Variants in TMEM132C observed in about 807,000 individuals in gnomAD.
The protein encoded by TMEM132C is protein phosphatase 1, regulatory subunit 152.
Under a neutral mutation model 61.4 loss-of-function variants are expected in TMEM132C, and 29 were observed. The ratio of observed to expected loss-of-function variants is 0.47; its 90% confidence interval spans 0.35 to 0.64. The LOEUF (loss-of-function observed/expected upper bound fraction) is 0.64. Ranked by LOEUF, TMEM132C falls within the 30% of genes least tolerant of loss-of-function variation. The probability of loss-of-function intolerance (pLI) is 0.00; values close to 1 mark genes in which losing one functional copy is unlikely to be tolerated. For missense variants in TMEM132C, 1,408 were observed against 1,476.9 expected, an observed-to-expected ratio of 0.95 and a Z score of 0.76; for synonymous variants, 656 against 633.1, an observed-to-expected ratio of 1.04 and a Z score of -0.54.
rs1337117450 is a variant in TMEM132C at position 128,706,267 on chromosome 12, A to G, written c.3299A>G (p.Tyr1100Cys). The G allele has an allele frequency of 1.2e-5, 18 of 1,547,146 alleles. No individual in the cohort carries two copies. Among genetic ancestry groups the G allele is most frequent in the Non-Finnish European group, 1.6e-5 (18 of 1,144,260 alleles). Residue 1100 changes from tyrosine (Y) to cysteine (C), a missense_variant, in exon 9 of 9, where the codon TAT becomes TGT. Transcript: ENST00000435159. ...GGTGCCCCCAAGGAACTTAGAAACT[A>G]TCTGGAGAAACTCAAAGATAAGGCT... is the stretch of plus-strand genomic sequence containing the variant. The part of the protein sequence containing the change: ...AVGAPKELRN[Y>C]LEKLKDKA
At chr12:128,429,582 A>T (rs1869315982) in intron 2 of TMEM132C, among the ~76,000 whole-genome samples, 1 of 152,170 alleles carries the variant, frequency 6.6e-6, no homozygotes, top group African/African-American at 2.4e-5. Context: ...GCTGCAGGTC[A>T]TGTGTTGACC....
At chr12:128,413,892 G>A (rs1300768384) in intron 1 of TMEM132C, among the ~76,000 whole-genome samples, 1 of 152,118 alleles carries the variant, frequency 6.6e-6, no homozygotes, top group African/African-American at 2.4e-5. Flanking sequence ...ATTGCATTTA[G>A]ATTTTGAGTC....
chr12:128,504,968 T>TTTACTTACTACTTTACGTAGTAAGTAATC (rs1872308744), intron 2 of TMEM132C, among the ~76,000 whole-genome samples: 2 of 150,424 alleles, frequency 1.3e-5, no homozygotes, highest in Non-Finnish European at 3.0e-5. Flanking sequence ...TTTTGGGGAC[T>TTTACTTACTACTTTACGTAGTAAGTAATC]TTACTTACTA....
chr12:128,419,699 C>T (rs2136025968), intron 2 of TMEM132C, among the ~76,000 whole-genome samples: 1 of 151,898 alleles, frequency 6.6e-6, no homozygotes, highest in Admixed American at 6.5e-5. Context: ...TTTGATAGCC[C>T]AAATACAAAA....
At position 128,704,375 on chromosome 12, in the gene TMEM132C, C is replaced by T. The variant is rs574508471; in HGVS notation, c.2122-715C>T. Reference sequence around the variant, plus strand: ...CACTGGCCCTTTGCTTCCTCTTTCACTCTGCTACCCATGCAGAGCAAGGGC... The same window carrying T: ...CACTGGCCCTTTGCTTCCTCTTTCATTCTGCTACCCATGCAGAGCAAGGGC... On this transcript the variant is annotated intron_variant, in intron 8 of 8. Transcript: ENST00000435159. Among the ~76,000 whole-genome samples, 15 of 152,254 alleles carry T rather than the reference C, an allele frequency of 9.9e-5. No homozygotes were observed. The South Asian group carries it at 2.9e-3, about 30-fold the overall frequency.
At chr12:128,290,563 G>A (rs1052655212) in intron 1 of TMEM132C, among the ~76,000 whole-genome samples, 14 of 152,096 alleles carry the variant, frequency 9.2e-5, no homozygotes, top group Admixed American at 5.9e-4. Context: ...CTGTTCCACC[G>A]GGAGTTATAG....
chr12:128,350,679 C>T (rs1417655041), intron 1 of TMEM132C, among the ~76,000 whole-genome samples: 2 of 151,936 alleles, frequency 1.3e-5, no homozygotes, highest in Non-Finnish European at 2.9e-5. Flanking sequence ...ACATGTGTCC[C>T]AGATTGGAGC....
intron 2 of TMEM132C, among the ~76,000 whole-genome samples, chr12:128,498,439 G>C (rs1203820118): frequency 1.3e-5 from 2 of 152,182 alleles, no homozygotes; most frequent in Non-Finnish European, 2.9e-5. Context: ...ACTTTGAGAG[G>C]CTGAGGCAGG....
At chr12:128,558,137 T>C (rs1171438270) in intron 3 of TMEM132C, among the ~76,000 whole-genome samples, 1 of 152,186 alleles carries the variant, frequency 6.6e-6, no homozygotes, top group African/African-American at 2.4e-5. Context: ...GTTAGTTGTG[T>C]TTTCTATGGA....
intron 5 of TMEM132C, among the ~76,000 whole-genome samples, chr12:128,679,606 T>G (rs1236817385): frequency 6.6e-6 from 1 of 152,168 alleles, no homozygotes; most frequent in Non-Finnish European, 1.5e-5. Flanking sequence ...CCCAGTAACA[T>G]CTTGCTTTAC....
At chr12:128,271,013 G>A (rs1326722571) in intron 1 of TMEM132C, among the ~76,000 whole-genome samples, 1 of 151,928 alleles carries the variant, frequency 6.6e-6, no homozygotes, top group African/African-American at 2.4e-5. Context: ...CCAGCACTTT[G>A]GGAGGCAAAG....
chr12:128,509,754 A>G (rs1872511759), intron 2 of TMEM132C, among the ~76,000 whole-genome samples: 1 of 152,100 alleles, frequency 6.6e-6, no homozygotes. Context: ...CAGAGGGAAC[A>G]AGTCCAGGTC....
intron 4 of TMEM132C, among the ~76,000 whole-genome samples, chr12:128,660,775 C>T (rs11059809): frequency 0.55 from 83,023 of 151,918 alleles, 22,703 homozygotes; most frequent in East Asian, 0.63. Flanking sequence ...TGAACCTCCA[C>T]GGCCACCGTG....
intron 1 of TMEM132C, among the ~76,000 whole-genome samples, chr12:128,324,802 T>C (rs563187624): frequency 3.3e-5 from 5 of 152,292 alleles, no homozygotes; most frequent in Admixed American, 2.6e-4. Context: ...CAGCCCAGCC[T>C]GGGTGACAGA....
chr12:128,468,611 G>C (rs561199042), intron 2 of TMEM132C, among the ~76,000 whole-genome samples: 1 of 152,072 alleles, frequency 6.6e-6, no homozygotes, highest in Non-Finnish European at 1.5e-5. Context: ...GAGCCACTGC[G>C]CCTGACCAAA....
intron 1 of TMEM132C, among the ~76,000 whole-genome samples, chr12:128,377,886 C>T (rs1305558266): frequency 1.3e-5 from 2 of 152,068 alleles, no homozygotes; most frequent in African/African-American, 2.4e-5. Flanking sequence ...CAGGGCTGGC[C>T]GAGTTTTGAG....
chr12:128,305,757 T>A (rs1256064717), intron 1 of TMEM132C, among the ~76,000 whole-genome samples: 1 of 152,190 alleles, frequency 6.6e-6, no homozygotes, highest in African/African-American at 2.4e-5. Flanking sequence ...ATTGGTATTT[T>A]CAGAGAAAAT....
At chr12:128,298,274 G>A (rs1193370) in intron 1 of TMEM132C, among the ~76,000 whole-genome samples, 57,859 of 151,918 alleles carry the variant, frequency 0.38, 11,786 homozygotes, top group Admixed American at 0.49. Flanking sequence ...CCAGCCTCAG[G>A]TTCTCCCGCC....
intron 2 of TMEM132C, among the ~76,000 whole-genome samples, chr12:128,466,749 G>A (rs1477762469): frequency 6.6e-6 from 1 of 152,026 alleles, no homozygotes; most frequent in African/African-American, 2.4e-5. Context: ...AACTCTTGGG[G>A]TCAGGTGATC....
Sources: gnomAD v4.1 joint callset for allele counts (sites outside exome capture counted in the v4.1 genomes callset) on GRCh38, gnomAD v4.1.1 for gene constraint, MANE v1.5 for transcripts, NCBI Gene and HGNC (gene_info 2026-07-23, HGNC 2026-07-21) for gene names.